Variants in BCAS3 observed in about 807,000 individuals in gnomAD.
BCAS3 encodes the protein BCAS4/BCAS3 fusion.
In BCAS3, 53 loss-of-function variants were observed where a neutral mutation model predicts 116.1. The ratio of observed to expected loss-of-function variants is 0.46; its 90% confidence interval spans 0.37 to 0.57. The LOEUF (loss-of-function observed/expected upper bound fraction) is 0.57. Among genes scored for constraint, BCAS3 ranks in the 20% least tolerant of loss-of-function variants. The probability of loss-of-function intolerance (pLI) is 0.00; values close to 1 mark genes in which losing one functional copy is unlikely to be tolerated. For missense variants in BCAS3, 917 were observed against 1,165.4 expected (o/e 0.79, Z 3.10); for synonymous variants, 391 against 408.2 (o/e 0.96, Z 0.51).
intron 9 of BCAS3, among the ~76,000 whole-genome samples, chr17:60,882,230 A>T (rs2056230677): frequency 6.6e-6 from 1 of 152,092 alleles, no homozygotes; most frequent in South Asian, 2.1e-4. Flanking sequence ...TTGGCTGCAT[A>T]AATGTCTTCT....
chr17:61,095,294 C>T lies in BCAS3; in HGVS notation c.2425+10730C>T, dbSNP rs1197137548. Among the ~76,000 whole-genome samples the T allele has an allele frequency of 6.6e-6, 1 of 152,146 alleles. No individual in the cohort carries two copies. The highest frequency in any genetic ancestry group is 6.5e-5 in the Admixed American group (1 of 15,276). The stretch of plus-strand genomic sequence containing the variant: ...AGAGGATTTTCTCTTAAAAATGTTA[C>T]TTTTCTCACTTCTTTCTGTTTAGAA... On this transcript the variant is annotated intron_variant, in intron 22 of 23. Transcript: ENST00000407086. This position sits in a 1 kb window ranked among gnomAD's most constrained non-coding sequence, Gnocchi z 4.7.
intron 12 of BCAS3, among the ~76,000 whole-genome samples, chr17:60,921,861 T>TTAATTAAGTAATATTAA (rs1459129336): frequency 1.3e-5 from 2 of 151,620 alleles, no homozygotes. Context: ...AGAGTGGCCA[T>TTAATTAAGTAATATTAA]AGTAATATTA....
chr17:61,380,276 G>C lies in BCAS3; in HGVS notation c.2594-11701G>C. On this transcript the variant is annotated intron_variant, in intron 23 of 23. Coordinates refer to ENST00000407086, the MANE Select transcript of BCAS3 (RefSeq NM_017679.5). The surrounding 1 kb of genome is among the most constrained non-coding windows in gnomAD (Gnocchi z 4.2). Reference sequence around the variant, plus strand: ...AGGCAGGAGTGTAGGAACTCAGGCAGCTGGACTGGGGAGGAGGGAGAGAGG... The same window carrying C: ...AGGCAGGAGTGTAGGAACTCAGGCACCTGGACTGGGGAGGAGGGAGAGAGG... The C allele has an allele frequency of 1.8e-6, 1 of 559,620 alleles. No homozygotes were observed. 34.7% of individuals were successfully genotyped at this position (559,620 alleles called of 1,614,324 possible).
intron 7 of BCAS3, among the ~76,000 whole-genome samples, chr17:60,833,335 T>G (rs2051103965): frequency 6.6e-6 from 1 of 152,172 alleles, no homozygotes; most frequent in Admixed American, 6.6e-5. Flanking sequence ...AAAATCATGT[T>G]TTTATGTTGG....
chr17:61,262,505 C>G (rs187275158), intron 22 of BCAS3, among the ~76,000 whole-genome samples: 2 of 151,926 alleles, frequency 1.3e-5, no homozygotes, highest in Non-Finnish European at 2.9e-5. Context: ...TTCAGCCTCC[C>G]AAGTAGCTGG....
At chr17:60,778,402 G>A (rs868219560) in intron 6 of BCAS3, among the ~76,000 whole-genome samples, 5 of 151,836 alleles carry the variant, frequency 3.3e-5, no homozygotes, top group African/African-American at 1.2e-4. Flanking sequence ...TCATATGCTT[G>A]TTTCAATTTG....
At chr17:60,830,152 C>T (rs774251001) in intron 7 of BCAS3, among the ~76,000 whole-genome samples, 6 of 152,088 alleles carry the variant, frequency 3.9e-5, no homozygotes, top group Admixed American at 6.5e-5. Context: ...CCACCACGCC[C>T]GGCTAATTTT....
intron 7 of BCAS3, among the ~76,000 whole-genome samples, chr17:60,835,292 C>G (rs187399432): frequency 6.6e-6 from 1 of 152,066 alleles, no homozygotes; most frequent in African/African-American, 2.4e-5. Context: ...AAACAGTACA[C>G]TGTAACAGTT....
chr17:60,832,879 C>CCACTTATTTGTGA (rs2051061165), intron 7 of BCAS3, among the ~76,000 whole-genome samples: 1 of 152,132 alleles, frequency 6.6e-6, no homozygotes. Context: ...TAATATCATT[C>CCACTTATTTGTGA]CACTTATGTG....
chr17:60,749,119 C>T (rs2042238135), intron 6 of BCAS3: 1 of 151,988 alleles, frequency 6.6e-6, no homozygotes, highest in African/African-American at 2.4e-5. Context: ...AGAGTAATAC[C>T]CACTTTTCTC....
At chr17:61,018,449 G>C (rs183763300) in intron 16 of BCAS3, among the ~76,000 whole-genome samples, 3 of 151,534 alleles carry the variant, frequency 2.0e-5, no homozygotes, top group African/African-American at 7.3e-5. Context: ...TTACAGGTGT[G>C]TGCCACCACA....
At chr17:61,154,331 C>G (rs758237497) in intron 22 of BCAS3, among the ~76,000 whole-genome samples, 2 of 152,152 alleles carry the variant, frequency 1.3e-5, no homozygotes, top group Non-Finnish European at 2.9e-5. Flanking sequence ...GCTGGACCAG[C>G]CTTGACACAG....
rs1555698457 is a variant in BCAS3 at position 61,070,400 on chromosome 17, T to TATA, written c.2030-4520_2030-4519insATA. The TATA allele has an allele frequency of 2.8e-4, 51 of 180,956 alleles. 1 individual carries two copies. Among genetic ancestry groups the TATA allele is most frequent in the South Asian group, 5.6e-4 (4 of 7,128 alleles). 11.2% of individuals were successfully genotyped at this position (180,956 alleles called of 1,614,324 possible). A position where few individuals can be genotyped will look rare whatever the true frequency, so the allele number is the denominator to read the frequency against. On this transcript the variant is annotated intron_variant, in intron 19 of 23. Coordinates refer to ENST00000407086, the MANE Select transcript of BCAS3 (RefSeq NM_017679.5). Reference sequence around the variant, plus strand: ...ATATATATATATATATATATATATATCTTTTCACCATTTAAAAAAAATAGA... The same window carrying TATA: ...ATATATATATATATATATATATATATATACTTTTCACCATTTAAAAAAAATAGA...
chr17:60,820,754 G>T (rs1265168473), intron 7 of BCAS3, among the ~76,000 whole-genome samples: 3 of 152,082 alleles, frequency 2.0e-5, no homozygotes, highest in African/African-American at 4.8e-5. Flanking sequence ...ATGGAGAAAA[G>T]AACAAAATGG....
chr17:61,164,075 A>G (rs1433533504), intron 22 of BCAS3, among the ~76,000 whole-genome samples: 1 of 145,830 alleles, frequency 6.9e-6, no homozygotes, highest in Non-Finnish European at 1.5e-5. Flanking sequence ...TGGGCACTGA[A>G]ATCAGTGATA....
intron 10 of BCAS3, among the ~76,000 whole-genome samples, chr17:60,895,129 G>T (rs1453622875): frequency 6.6e-6 from 1 of 152,046 alleles, no homozygotes; most frequent in Non-Finnish European, 1.5e-5. Flanking sequence ...AATAGTTTCA[G>T]GAAAATTGGT....
chr17:60,927,362 C>A (rs1034738019), intron 13 of BCAS3, among the ~76,000 whole-genome samples: 4 of 151,900 alleles, frequency 2.6e-5, no homozygotes, highest in African/African-American at 9.7e-5. Context: ...TTCAAGCGAT[C>A]CTTGTGCCTC....
At chr17:60,724,302 A>T (rs1195158403) in intron 5 of BCAS3, among the ~76,000 whole-genome samples, 4 of 151,472 alleles carry the variant, frequency 2.6e-5, no homozygotes, top group African/African-American at 9.7e-5. Context: ...GTGTGCCTGT[A>T]ATCCCAGCTG....
In BCAS3 at chr17:61,067,273, G is replaced by GTATATATATATA. The variant is rs1199603635; in HGVS notation, c.2030-7615_2030-7604dup. On this transcript the variant is annotated intron_variant, in intron 19 of 23. Transcript: ENST00000407086. The stretch of plus-strand genomic sequence containing the variant: ...CATAACTTTATTTATGTGTGTATGT[G>GTATATATATATA]TATATATATATATATATATATATAT... Among the ~76,000 whole-genome samples the GTATATATATATA allele has an allele frequency of 8.9e-3, 524 of 58,724 alleles. 11 individuals are homozygous for GTATATATATATA. Among genetic ancestry groups the GTATATATATATA allele is most frequent in the South Asian group, 0.012 (18 of 1,458 alleles). The allele number at this position is 58,724 out of a possible 152,430, so 38.5% of individuals were successfully genotyped here. A position where few individuals can be genotyped will look rare whatever the true frequency, so the allele number is the denominator to read the frequency against.
Sources: allele counts gnomAD v4.1 joint callset (sites outside exome capture counted in the v4.1 genomes callset), GRCh38; gene constraint gnomAD v4.1.1; non-coding constraint Gnocchi (gnomAD v3.1); transcripts MANE v1.5; gene names NCBI Gene and HGNC (gene_info 2026-07-23, HGNC 2026-07-21).